The following ARL6IP6 variants were observed in gnomAD, a reference collection of about 807,000 sequenced individuals.
The protein encoded by ARL6IP6 is ADP-ribosylation factor-like protein 6-interacting protein 6.
In ARL6IP6, 22 loss-of-function variants were observed where a neutral mutation model predicts 21.5. The ratio of observed to expected loss-of-function variants is 1.02; its 90% confidence interval spans 0.73 to 1.46. The LOEUF is 1.46. Ranked by LOEUF, ARL6IP6 falls within the 40% of genes most tolerant of loss-of-function variation. The pLI, the probability that ARL6IP6 is intolerant of heterozygous loss-of-function variation, is 0.00. For missense variants in ARL6IP6, 388 were observed against 299.8 expected, an observed-to-expected ratio of 1.29 and a Z score of -2.17; for synonymous variants, 164 against 125.3, an observed-to-expected ratio of 1.31 and a Z score of -2.06.
At chr2:152,759,471 A>G (rs1201881884) in intron 3 of ARL6IP6, among the ~76,000 whole-genome samples, 2 of 152,228 alleles carry the variant, frequency 1.3e-5, no homozygotes, top group African/African-American at 4.8e-5. Flanking sequence ...AATGAAACAC[A>G]GTAAAGAAAT....
At chr2:152,744,097 G>A (rs955964208) in intron 3 of ARL6IP6, among the ~76,000 whole-genome samples, 1 of 152,080 alleles carries the variant, frequency 6.6e-6, no homozygotes, top group African/African-American at 2.4e-5. Context: ...ACTCTGTTCA[G>A]TTTAATGACC....
chr2:152,733,936 AGATT>A (rs1438211318), intron 2 of ARL6IP6, among the ~76,000 whole-genome samples: 1 of 152,186 alleles, frequency 6.6e-6, no homozygotes, highest in Non-Finnish European at 1.5e-5. Flanking sequence ...CCCTCAATAT[AGATT>A]GAGTGGGTGA....
chr2:152,729,782 T>G (rs936773269), intron 2 of ARL6IP6, among the ~76,000 whole-genome samples: 2 of 152,228 alleles, frequency 1.3e-5, no homozygotes, highest in African/African-American at 4.8e-5. Flanking sequence ...TTTGGAAAGA[T>G]GCACACCAGA....
chr2:152,733,107 A>C (rs1395488920), intron 2 of ARL6IP6, among the ~76,000 whole-genome samples: 1 of 152,052 alleles, frequency 6.6e-6, no homozygotes, highest in Non-Finnish European at 1.5e-5. Flanking sequence ...TATTTAGATT[A>C]TTTGGTACGT....
intron 2 of ARL6IP6, among the ~76,000 whole-genome samples, chr2:152,728,888 G>A (rs570210547): frequency 5.9e-5 from 9 of 152,070 alleles, no homozygotes; most frequent in African/African-American, 1.2e-4. Flanking sequence ...GTGAAACCTC[G>A]TCTCTACTAA....
chr2:152,719,263 T>C (rs1424493913), intron 1 of ARL6IP6, among the ~76,000 whole-genome samples: 2 of 152,200 alleles, frequency 1.3e-5, no homozygotes, highest in Non-Finnish European at 2.9e-5. Flanking sequence ...AAATGGGTAC[T>C]CTTGAAGAAA....
chr2:152,730,996 C>T (rs1030442869), intron 2 of ARL6IP6, among the ~76,000 whole-genome samples: 4 of 152,146 alleles, frequency 2.6e-5, no homozygotes, highest in Admixed American at 6.5e-5. Flanking sequence ...TCTCACTTGT[C>T]GATAAGCCCC....
chr2:152,718,450 T>G (rs1027556606), upstream of ARL6IP6: 8 of 857,820 alleles, frequency 9.3e-6, no homozygotes, highest in Non-Finnish European at 1.1e-5. Context: ...ATTCCGCCTC[T>G]CCTTTGGCCC....
chr2:152,718,519 CTG>C, upstream of ARL6IP6: 1 of 1,459,590 alleles, frequency 6.9e-7, no homozygotes, highest in Non-Finnish European at 9.1e-7. Context: ...CCCCTGGGCT[CTG>C]AGGCCTGGTG....
intron 2 of ARL6IP6, among the ~76,000 whole-genome samples, chr2:152,734,549 G>A (rs1375617315): frequency 6.6e-6 from 1 of 152,076 alleles, no homozygotes; most frequent in Non-Finnish European, 1.5e-5. Flanking sequence ...GGAGTGCAGT[G>A]GTGCAATCTA....
chr2:152,758,041 A>G (rs1453648961), intron 3 of ARL6IP6, among the ~76,000 whole-genome samples: 1 of 152,212 alleles, frequency 6.6e-6, no homozygotes, highest in Admixed American at 6.5e-5. Flanking sequence ...TTGGGTGAGT[A>G]CAGTCATCCC....
rs1701787306 is a variant in ARL6IP6, at chr2:152,760,437, ATTTG to A, written c.*599_*602del. On this transcript the variant is annotated 3_prime_UTR_variant, in exon 4 of 4. Coordinates refer to ENST00000326446, the MANE Select transcript of ARL6IP6 (RefSeq NM_152522.7). ...AATGTATTTTCATACTACATACTGAATTTGTATGTTTTTAAAATTGTTACATCTA... is the reference window on the plus strand; with the variant it reads ...AATGTATTTTCATACTACATACTGAATATGTTTTTAAAATTGTTACATCTA... 1.3e-5 allele frequency: 2 copies of A among 151,950 alleles called. No individual in the cohort carries two copies. The highest frequency in any genetic ancestry group is 6.6e-5 in the Admixed American group (1 of 15,252). The allele number at this position is 151,950 out of a possible 1,614,324, so 9.4% of individuals were successfully genotyped here. A position where few individuals can be genotyped will look rare whatever the true frequency, so the allele number is the denominator to read the frequency against.
intron 2 of ARL6IP6, among the ~76,000 whole-genome samples, chr2:152,727,182 TTACCTTGA>T (rs1372166851): frequency 2.0e-5 from 3 of 152,208 alleles, no homozygotes; most frequent in Admixed American, 1.3e-4. Context: ...AACAGTGATA[TTACCTTGA>T]CCCTATGTAG....
chr2:152,742,696 C>T (rs528156803), intron 3 of ARL6IP6, among the ~76,000 whole-genome samples: 18 of 151,494 alleles, frequency 1.2e-4, no homozygotes, highest in Non-Finnish European at 2.4e-4. Flanking sequence ...CCTTACAGTA[C>T]ATTTTCCTGA....
chr2:152,762,018 T>A lies in ARL6IP6; in HGVS notation c.*2178T>A, dbSNP rs16831745. ...ACTCCCCTTTTTTGGGAAATGACCCTCCTCTCTCCAGTCTGACACAGGGTC... is the reference window on the plus strand; with the variant it reads ...ACTCCCCTTTTTTGGGAAATGACCCACCTCTCTCCAGTCTGACACAGGGTC... On this transcript the variant is annotated 3_prime_UTR_variant, in exon 4 of 4. Coordinates refer to ENST00000326446, the MANE Select transcript of ARL6IP6 (RefSeq NM_152522.7). Among the ~76,000 whole-genome samples, 7,732 of 152,220 alleles carry A rather than the reference T, an allele frequency of 0.051. 670 individuals carry two copies. The highest frequency in any genetic ancestry group is 0.17 in the African/African-American group (7,225 of 41,494).
At chr2:152,720,618 T>C in intron 2 of ARL6IP6, 32 bp downstream of exon 2, 4 of 1,582,704 alleles carry the variant, frequency 2.5e-6, no homozygotes, top group Non-Finnish European at 3.5e-6. Flanking sequence ...GCTTTGGTTT[T>C]GAGCTCACGT....
At chr2:152,742,415 A>G (rs1700854977) in intron 3 of ARL6IP6, among the ~76,000 whole-genome samples, 1 of 151,982 alleles carries the variant, frequency 6.6e-6, no homozygotes, top group African/African-American at 2.4e-5. Context: ...AAAAAATTTT[A>G]AAAAGTATCC....
chr2:152,719,041 C>G lies in ARL6IP6; in HGVS notation c.400+17C>G. 6.6e-7 allele frequency: 1 copy of G among 1,518,036 alleles called. No individual in the cohort carries two copies. The highest frequency in any genetic ancestry group is 8.8e-7 in the Non-Finnish European group (1 of 1,133,336). 94.0% of individuals were successfully genotyped at this position (1,518,036 alleles called of 1,614,324 possible). A position where few individuals can be genotyped will look rare whatever the true frequency, so the allele number is the denominator to read the frequency against. On this transcript the variant is annotated intron_variant, in intron 1 of 3. Transcript: ENST00000326446. ...TCGTTAAAGGTATTGAAGCCGACGCCTTGAAAGTCTGTCCAGAGTAAAGTT... is the reference window on the plus strand; with the variant it reads ...TCGTTAAAGGTATTGAAGCCGACGCGTTGAAAGTCTGTCCAGAGTAAAGTT...
chr2:152,727,259 TTAGAAA>T (rs1367600363), intron 2 of ARL6IP6, among the ~76,000 whole-genome samples: 2 of 152,300 alleles, frequency 1.3e-5, no homozygotes, highest in African/African-American at 2.4e-5. Context: ...AACTAAAAAA[TTAGAAA>T]TAGAAGCTTA....
Sources: allele counts gnomAD v4.1 joint callset (sites outside exome capture counted in the v4.1 genomes callset), GRCh38; gene constraint gnomAD v4.1.1; transcripts MANE v1.5; gene names NCBI Gene and HGNC (gene_info 2026-07-23, HGNC 2026-07-21).